MBD4: variants seen among roughly 807,000 people sequenced by gnomAD.
MBD4 encodes the protein methyl-CpG-binding domain protein 4.
A neutral mutation model predicts 60.2 loss-of-function variants in MBD4; 53 were observed. The observed-to-expected ratio is 0.88, with a 90% CI of 0.71 to 1.11. The LOEUF (loss-of-function observed/expected upper bound fraction) is 1.11, where lower values mean the gene tolerates loss of function less well. MBD4 is among the 50% of genes least tolerant of loss of function. The pLI, the probability that MBD4 is intolerant of heterozygous loss-of-function variation, is 0.00. For synonymous variants in MBD4, 231 were observed against 229.8 expected (o/e 1.01, Z -0.05); for missense variants, 619 against 674.0 (o/e 0.92, Z 0.90).
chr3:129,438,535 G>A (rs2072550036), intron 1 of MBD4, among the ~76,000 whole-genome samples: 1 of 152,086 alleles, frequency 6.6e-6, no homozygotes, highest in Non-Finnish European at 1.5e-5. Flanking sequence ...TGAGTGACAG[G>A]TTAAATTACT....
In MBD4 at chr3:129,438,881, C is replaced by A. The variant is rs1296820121; in HGVS notation, c.104+849G>T. 2.0e-5 allele frequency among the ~76,000 whole-genome samples: 3 copies of A among 152,030 alleles called. No individual in the cohort carries two copies. In the South Asian group the frequency reaches 6.2e-4, roughly 32 times the overall value. On this transcript the variant is annotated intron_variant, in intron 1 of 7. Transcript: ENST00000429544. ...TCCGGCAGGTCAAGGCTTCAGGGAG[C>A]TATGATTGTGCCACTGCACTCCAGC...
Position 129,437,297 on chromosome 3 carries a change from A to C in MBD4, c.347T>G (p.Leu116Arg), listed in dbSNP as rs200082149. 106 of 1,605,950 alleles carry C rather than the reference A, an allele frequency of 6.6e-5. No individual in the cohort carries two copies. Among genetic ancestry groups the C allele is most frequent in the Admixed American group, 4.8e-4 (29 of 59,988 alleles). The change falls in exon 3 of 8, where the codon CTG becomes CGG. Residue 116 changes from leucine to arginine, a missense_variant. Coordinates refer to ENST00000429544, the MANE Select transcript of MBD4 (RefSeq NM_001276270.2). ...AAGTGAACTTTTGGATCTGAACTTC[A>C]GTCCTTGTGGGCTAGAAAATGATAT... ...FDVYFISPQG[L>R]KFRSKSSLAN...
rs759423043 is a variant in MBD4, at chr3:129,437,885, CTTT to C, written c.167_169del (p.Lys56del). 22 of 1,613,992 alleles carry C rather than the reference CTTT, an allele frequency of 1.4e-5. No individual in the cohort carries two copies. The African/African-American group carries it at 2.7e-4, about 20-fold the overall frequency. ...TAGCAAGGGATTACATTCACTGCTT[CTTT>C]TTATCATCATTTGTTCCTCATCTTC... is the stretch of plus-strand genomic sequence containing the variant. On this transcript the variant is annotated inframe_deletion, in exon 2 of 8. Transcript: ENST00000429544.
chr3:129,439,755 C>T lies in MBD4; in HGVS notation c.79G>A (p.Val27Ile). 6.2e-7 allele frequency: 1 copy of T among 1,600,676 alleles called. No homozygotes were observed. The highest frequency in any genetic ancestry group is 8.5e-7 in the Non-Finnish European group (1 of 1,174,438). ...APTVTSSERL[V>I]PDPPNDLRKE... ...CGGAGGTCATTCGGCGGGTCTGGGA[C>T]TAGGCGCTCACTAGAGGTGACGGTG... Residue 27 changes from valine to isoleucine, a missense_variant, in exon 1 of 8, where the codon GTC (valine) becomes ATC (isoleucine). By Grantham distance (29) the Val-to-Ile change is conservative (BLOSUM62 3). Transcript: ENST00000429544.
Position 129,436,511 on chromosome 3 carries a change from C to T in MBD4, c.1133G>A (p.Arg378His), listed in dbSNP as rs1214960258. ...KEHLHTDILK[R>H]GSEMDNNCSP... The stretch of plus-strand genomic sequence containing the variant: ...GCAGTTGTTGTCCATTTCAGAGCCA[C>T]GTTTTAAAATGTCAGTATGCAAATG... The change falls in exon 3 of 8, where the codon CGT (arginine) becomes CAT (histidine). Residue 378 changes from arginine to histidine, a missense_variant. Coordinates refer to ENST00000429544, the MANE Select transcript of MBD4 (RefSeq NM_001276270.2). 10 of 1,614,008 alleles carry T rather than the reference C, an allele frequency of 6.2e-6. No homozygotes were observed. Among genetic ancestry groups the T allele is most frequent in the Admixed American group, 3.3e-5 (2 of 60,014 alleles).
Position 129,433,180 on chromosome 3 carries a change from G to A in MBD4, c.1461C>T (p.Thr487=), listed in dbSNP as rs748588609. Residue 487 remains threonine (T), a synonymous_variant, in exon 6 of 8, where the codon ACC becomes ACT. Transcript: ENST00000429544. The part of the protein sequence containing the change: ...EKYPSAEVAR[T]ADWRDVSELL... ...GTTCTGACACATCTCTCCAGTCTGC[G>A]GTTCTTGCTACCTCAGCTGAAGGAT... The A allele has an allele frequency of 1.5e-5, 24 of 1,614,026 alleles. No individual in the cohort carries two copies. Among genetic ancestry groups the A allele is most frequent in the Admixed American group, 6.7e-5 (4 of 59,998 alleles).
rs942539431 is a variant in MBD4 at position 129,437,143 on chromosome 3, T to C, written c.501A>G (p.Leu167=). ...DCSMAALTSH[L]QNQSNNSNWN... ...AGTTTGAATTGTTACTTTGGTTTTG[T>C]AGATGGGATGTCAGGGCTGCCATGC... Residue 167 remains leucine, a synonymous_variant, in exon 3 of 8, where the codon CTA becomes CTG. Coordinates refer to ENST00000429544, the MANE Select transcript of MBD4 (RefSeq NM_001276270.2). 5 of 1,614,088 alleles carry C rather than the reference T, an allele frequency of 3.1e-6. No homozygotes were observed. Among genetic ancestry groups the C allele is most frequent in the Non-Finnish European group, 4.2e-6 (5 of 1,179,972 alleles).
Position 129,437,320 on chromosome 3 carries a change from TATTA to T in MBD4, c.336-16_336-13del. The T allele has an allele frequency of 6.3e-7, 1 of 1,599,174 alleles. No homozygotes were observed. The highest frequency in any genetic ancestry group is 1.3e-5 in the African/African-American group (1 of 74,938). On this transcript the variant is annotated splice_polypyrimidine_tract_variant and intron_variant, in intron 2 of 7. Coordinates refer to ENST00000429544, the MANE Select transcript of MBD4 (RefSeq NM_001276270.2). Reference sequence around the variant, plus strand: ...TCAGTCCTTGTGGGCTAGAAAATGATATTAAAGGAAACTTACTGCTAGTAAATAG... The same window carrying T: ...TCAGTCCTTGTGGGCTAGAAAATGATAAGGAAACTTACTGCTAGTAAATAG...
At chr3:129,438,955 A>C (rs746925366) in intron 1 of MBD4, among the ~76,000 whole-genome samples, 2 of 151,948 alleles carry the variant, frequency 1.3e-5, no homozygotes, top group Non-Finnish European at 2.9e-5. Context: ...CACTAAACTA[A>C]AACTTCATTA....
At chr3:129,432,772 A>G (rs1321294138) in intron 6 of MBD4, among the ~76,000 whole-genome samples, 166 bp from the exon 7 acceptor site, 3 of 152,354 alleles carry the variant, frequency 2.0e-5, no homozygotes, top group East Asian at 3.9e-4. Context: ...TGCAGCACCC[A>G]TATCATTTGC....
intron 3 of MBD4, 88 bp downstream of exon 3, chr3:129,436,373 C>T (rs762151768): frequency 1.2e-5 from 19 of 1,529,582 alleles, no homozygotes; most frequent in African/African-American, 4.1e-5. Flanking sequence ...TGTATGGGCA[C>T]GAATACAAGA....
intron 5 of MBD4, 91 bp from the exon 6 acceptor site, chr3:129,433,338 GTTTT>G: frequency 9.4e-7 from 1 of 1,062,108 alleles, no homozygotes; most frequent in Non-Finnish European, 1.3e-6. Context: ...CATCCAGAGG[GTTTT>G]TTTTTTTAAA....
intron 6 of MBD4, 39 bp downstream of exon 6, chr3:129,433,058 CA>C (rs1300274396): frequency 6.2e-7 from 1 of 1,610,582 alleles, no homozygotes; most frequent in South Asian, 1.1e-5. Context: ...TAAATAAGCA[CA>C]ATGTATTATG....
At chr3:129,432,937 G>A (rs756475112) in intron 6 of MBD4, among the ~76,000 whole-genome samples, 161 bp downstream of exon 6, 15 of 152,242 alleles carry the variant, frequency 9.9e-5, no homozygotes, top group Non-Finnish European at 2.2e-4. Flanking sequence ...AGGTCAGTGG[G>A]AGACTGTGGT....
rs2072476349 is a variant in MBD4, at chr3:129,436,981, A to T, written c.663T>A (p.Asp221Glu). Reference protein sequence around the residue: ...HLLLKEDEGVDDVNFRKVRKP... With the variant: ...HLLLKEDEGVEDVNFRKVRKP... ...TTCTAACCTTTCTGAAGTTAACATCATCAACACCCTCATCTTCTTTCAAAA... is the reference window on the plus strand; with the variant it reads ...TTCTAACCTTTCTGAAGTTAACATCTTCAACACCCTCATCTTCTTTCAAAA... Residue 221 changes from aspartate to glutamate, a missense_variant, in exon 3 of 8, where the codon GAT (aspartate) becomes GAA (glutamate). By Grantham distance (45) the Asp-to-Glu change is conservative (BLOSUM62 2). Transcript: ENST00000429544. 6.2e-7 allele frequency: 1 copy of T among 1,614,184 alleles called. No homozygotes were observed. The highest frequency in any genetic ancestry group is 8.5e-7 in the Non-Finnish European group (1 of 1,180,036).
chr3:129,433,568 T>G, intron 5 of MBD4: 1 of 580,132 alleles, frequency 1.7e-6, no homozygotes, highest in Non-Finnish European at 3.0e-6. Flanking sequence ...AAGATACTTT[T>G]AAACACACAT....
intron 7 of MBD4, 39 bp downstream of exon 7, chr3:129,432,464 G>A (rs1464128598): frequency 1.9e-6 from 3 of 1,614,002 alleles, no homozygotes; most frequent in Admixed American, 3.3e-5. Flanking sequence ...TTGCCTCAGA[G>A]ACCAAATGTG....
chr3:129,436,593 T>A lies in MBD4; in HGVS notation c.1051A>T (p.Thr351Ser). ...CCGATTTCTTCAGATTCTAAAAAGG[T>A]ATCCTCATACTTCTCGTTGTGTTCT... ...DSEHNEKYED[T>S]FLESEEIGTK... is the part of the protein sequence containing the mutation. The change falls in exon 3 of 8, where the codon ACC becomes TCC. Residue 351 changes from threonine to serine, a missense_variant. By Grantham distance (58) the Thr-to-Ser change is moderately conservative. Coordinates refer to ENST00000429544, the MANE Select transcript of MBD4 (RefSeq NM_001276270.2). 1 of 1,614,200 alleles carries A rather than the reference T, an allele frequency of 6.2e-7. No individual in the cohort carries two copies. The highest frequency in any genetic ancestry group is 8.5e-7 in the Non-Finnish European group (1 of 1,180,034).
intron 7 of MBD4, among the ~76,000 whole-genome samples, chr3:129,431,916 G>T (rs1455264719): frequency 3.3e-5 from 5 of 152,186 alleles, no homozygotes; most frequent in African/African-American, 1.2e-4. Flanking sequence ...ACAATGGATT[G>T]CTCTGATGAA....
Sources: allele counts gnomAD v4.1 joint callset (sites outside exome capture counted in the v4.1 genomes callset), GRCh38; gene constraint gnomAD v4.1.1; transcripts MANE v1.5; gene names NCBI Gene and HGNC (gene_info 2026-07-23, HGNC 2026-07-21).